WDR89: variants seen among roughly 807,000 people sequenced by gnomAD.
The protein encoded by WDR89 is WD repeat-containing protein 89.
Under a neutral mutation model 29.1 loss-of-function variants are expected in WDR89, and 17 were observed. That is an observed-to-expected ratio of 0.58 (90% CI 0.40 to 0.88). The LOEUF (loss-of-function observed/expected upper bound fraction) is 0.88. Ranked by LOEUF, WDR89 falls within the 40% of genes least tolerant of loss-of-function variation. The probability of loss-of-function intolerance (pLI) is 0.00; values close to 1 mark genes in which losing one functional copy is unlikely to be tolerated. For missense variants in WDR89, 396 were observed against 456.3 expected (o/e 0.87, Z 1.20); for synonymous variants, 138 against 157.8 (o/e 0.87, Z 0.94).
At chr14:63,624,107 G>A (rs1471043725) in intron 2 of WDR89, among the ~76,000 whole-genome samples, 1 of 152,016 alleles carries the variant, frequency 6.6e-6, no homozygotes, top group Non-Finnish European at 1.5e-5. Context: ...AACACAAAAA[G>A]TACAAACCAC....
At chr14:63,627,135 C>T (rs1883114453) in intron 1 of WDR89, among the ~76,000 whole-genome samples, 1 of 125,494 alleles carries the variant, frequency 8.0e-6, no homozygotes, top group Admixed American at 8.6e-5. Flanking sequence ...CACACACACA[C>T]ACACACACAC....
chr14:63,615,924 T>TA lies in WDR89; in HGVS notation c.-32+9003dup, dbSNP rs113469632. 3.7e-3 allele frequency among the ~76,000 whole-genome samples: 490 copies of TA among 132,678 alleles called. 1 individual carries two copies. Among genetic ancestry groups the TA allele is most frequent in the East Asian group, 0.021 (99 of 4,656 alleles). 87.0% of individuals were successfully genotyped at this position (132,678 alleles called of 152,430 possible). On this transcript the variant is annotated intron_variant, in intron 2 of 2. Coordinates refer to ENST00000620954, the MANE Select transcript of WDR89 (RefSeq NM_080666.4). ...TGGCGACAGAGCAAGACCCTGTCTT[T>TA]AAAAAAAAAAAAAAAAAGAATACAA...
chr14:63,616,341 C>G (rs1357849893), intron 2 of WDR89, among the ~76,000 whole-genome samples: 1 of 152,072 alleles, frequency 6.6e-6, no homozygotes. Flanking sequence ...ACAAATTCAG[C>G]AAAGAACAGT....
In WDR89 at chr14:63,599,752, C is replaced by T. The variant is rs990207864; in HGVS notation, c.191G>A (p.Arg64Gln). 1.8e-5 allele frequency: 29 copies of T among 1,614,008 alleles called. No homozygotes were observed. The highest frequency in any genetic ancestry group is 1.1e-4 in the African/African-American group (8 of 74,928). The change falls in exon 3 of 3, where the codon CGA (arginine) becomes CAA (glutamine). Residue 64 changes from arginine to glutamine, a missense_variant. By Grantham distance (43) the Arg-to-Gln change is conservative. Coordinates refer to ENST00000620954, the MANE Select transcript of WDR89 (RefSeq NM_080666.4). ...IYDKERLNVL[R>Q]EFSGYPGLLN... The stretch of plus-strand genomic sequence containing the variant: ...AAGTCCAGGATATCCACTAAATTCT[C>T]GTAGTACATTTAACCTTTCTTTATC...
chr14:63,627,952 T>G (rs1006307688), intron 1 of WDR89, among the ~76,000 whole-genome samples: 1 of 152,208 alleles, frequency 6.6e-6, no homozygotes, highest in African/African-American at 2.4e-5. Flanking sequence ...ATTTCTCTAA[T>G]AGGCTGAGCA....
chr14:63,617,535 G>T (rs1350476789), intron 2 of WDR89, among the ~76,000 whole-genome samples: 1 of 152,022 alleles, frequency 6.6e-6, no homozygotes, highest in African/African-American at 2.4e-5. Flanking sequence ...TTGTAACCCA[G>T]GCTGCAGTGC....
intron 1 of WDR89, among the ~76,000 whole-genome samples, chr14:63,635,672 A>C (rs1883688925): frequency 6.6e-6 from 1 of 152,196 alleles, no homozygotes; most frequent in South Asian, 2.1e-4. Context: ...CAAATCAATA[A>C]AGAGGAAGTC....
chr14:63,621,299 C>T (rs563507497), intron 2 of WDR89, among the ~76,000 whole-genome samples: 3 of 152,262 alleles, frequency 2.0e-5, no homozygotes, highest in African/African-American at 7.2e-5. Context: ...GGCTGGGGTG[C>T]AGTGGCACAA....
intron 1 of WDR89, among the ~76,000 whole-genome samples, chr14:63,629,688 G>A (rs993845549): frequency 2.0e-5 from 3 of 152,200 alleles, no homozygotes. Flanking sequence ...GGATGGGAAA[G>A]GAGACGACAT....
intron 2 of WDR89, among the ~76,000 whole-genome samples, chr14:63,602,248 C>G (rs7142943): frequency 0.19 from 28,232 of 151,642 alleles, 5,330 homozygotes; most frequent in African/African-American, 0.49. Flanking sequence ...GCCGAGGCAG[C>G]GATCACTGAG....
chr14:63,628,844 G>C (rs1883226661), intron 1 of WDR89, among the ~76,000 whole-genome samples: 3 of 151,888 alleles, frequency 2.0e-5, no homozygotes, highest in Admixed American at 2.0e-4. Flanking sequence ...CATGCCTGTG[G>C]TCCCAGCAAC....
At chr14:63,630,966 C>T (rs1883362341) in intron 1 of WDR89, among the ~76,000 whole-genome samples, 1 of 151,974 alleles carries the variant, frequency 6.6e-6, no homozygotes, top group Non-Finnish European at 1.5e-5. Context: ...TTTTTGTAGA[C>T]ACAAGGTCTC....
chr14:63,610,559 TATGTC>T (rs1490137308), intron 2 of WDR89, among the ~76,000 whole-genome samples: 1 of 152,034 alleles, frequency 6.6e-6, no homozygotes. Flanking sequence ...TCATCAGCAA[TATGTC>T]ATGTTCCTAT....
chr14:63,618,938 C>T (rs560414297), intron 2 of WDR89, among the ~76,000 whole-genome samples: 1 of 152,168 alleles, frequency 6.6e-6, no homozygotes, highest in Non-Finnish European at 1.5e-5. Flanking sequence ...TATCCCTAAC[C>T]TGGAGTCTTT....
chr14:63,624,090 C>A (rs1882885219), intron 2 of WDR89, among the ~76,000 whole-genome samples: 1 of 152,064 alleles, frequency 6.6e-6, no homozygotes, highest in African/African-American at 2.4e-5. Flanking sequence ...AGGCAAAGAT[C>A]TCTTAAAACA....
intron 2 of WDR89, among the ~76,000 whole-genome samples, chr14:63,620,748 A>T (rs8019148): frequency 0.011 from 1,628 of 152,028 alleles, 34 homozygotes; most frequent in African/African-American, 0.037. Flanking sequence ...AAATAAAAAA[A>T]TTAGCTGGGC....
chr14:63,630,500 C>T (rs1290552357), intron 1 of WDR89, among the ~76,000 whole-genome samples: 6 of 151,702 alleles, frequency 4.0e-5, no homozygotes, highest in South Asian at 2.1e-4. Flanking sequence ...AAAAATTAGC[C>T]GGGATGGTGG....
At chr14:63,612,520 G>A (rs1350822833) in intron 2 of WDR89, among the ~76,000 whole-genome samples, 1 of 151,646 alleles carries the variant, frequency 6.6e-6, no homozygotes, top group Non-Finnish European at 1.5e-5. Flanking sequence ...GGATTACAGG[G>A]GTGCACCACC....
At chr14:63,632,596 G>A (rs1040080021) in intron 1 of WDR89, among the ~76,000 whole-genome samples, 4 of 152,118 alleles carry the variant, frequency 2.6e-5, no homozygotes, top group Admixed American at 6.6e-5. Flanking sequence ...TCACACCACT[G>A]CACTCCAGCA....
Sources: gnomAD v4.1 joint callset for allele counts (sites outside exome capture counted in the v4.1 genomes callset) on GRCh38, gnomAD v4.1.1 for gene constraint, MANE v1.5 for transcripts, NCBI Gene and HGNC (gene_info 2026-07-23, HGNC 2026-07-21) for gene names.